Variants in DKK3 observed in about 807,000 individuals in gnomAD.
DKK3 encodes the protein dickkopf-related protein 3.
In DKK3, 22 loss-of-function variants were observed where a neutral mutation model predicts 33.2. The observed-to-expected ratio is 0.66, with a 90% confidence interval of 0.47 to 0.95. The LOEUF (loss-of-function observed/expected upper bound fraction) is 0.95. DKK3 is among the 40% of genes least tolerant of loss of function. The pLI is 0.00. For missense variants in DKK3, 398 were observed against 458.4 expected (o/e 0.87, Z 1.20); for synonymous variants, 194 against 188.8 (o/e 1.03, Z -0.23).
chr11:12,009,257 G>T, upstream of DKK3: 1 of 984,644 alleles, frequency 1.0e-6, no homozygotes, highest in Non-Finnish European at 1.2e-6. Flanking sequence ...GCAGATGCGG[G>T]AGCGGCGCGG....
intron 1 of DKK3, among the ~76,000 whole-genome samples, chr11:12,003,433 C>T (rs573829956): frequency 3.7e-4 from 56 of 152,292 alleles, no homozygotes; most frequent in African/African-American, 1.3e-3. Context: ...TTTCTGTGGC[C>T]GCTGTCCTCA....
intron 3 of DKK3, among the ~76,000 whole-genome samples, chr11:11,982,528 C>T (rs2135043281): frequency 6.6e-6 from 1 of 152,312 alleles, no homozygotes. Context: ...CCTGCATCTC[C>T]TAGTCTCCAG....
rs769361435 is a variant in DKK3 at position 12,008,514 on chromosome 11, G to T, written c.69C>A (p.Pro23=). Residue 23 remains proline, a synonymous_variant, in exon 1 of 7, where the codon CCC becomes CCA. Transcript: ENST00000683431. The surrounding 1 kb of genome is among the most constrained non-coding windows in gnomAD (Gnocchi z 4.6). ...CTGGAGCCGAGGTCGCCGTCGGAGCGGGCGCGGGGGCCGTGGGGACCGCCG... is the reference window on the plus strand; with the variant it reads ...CTGGAGCCGAGGTCGCCGTCGGAGCTGGCGCGGGGGCCGTGGGGACCGCCG... ...LAAAVPTAPA[P]APTATSAPVK... is the part of the protein sequence containing the mutation. The T allele has an allele frequency of 6.3e-7, 1 of 1,581,264 alleles. No homozygotes were observed. The highest frequency in any genetic ancestry group is 1.1e-5 in the South Asian group (1 of 88,652).
chr11:11,989,172 C>A (rs532886540), intron 3 of DKK3, among the ~76,000 whole-genome samples: 1 of 152,264 alleles, frequency 6.6e-6, no homozygotes, highest in East Asian at 1.9e-4. Flanking sequence ...ATAGAATGAC[C>A]TTATGATCTA....
chr11:12,009,643 T>G, upstream of DKK3: 1 of 985,586 alleles, frequency 1.0e-6, no homozygotes, highest in Non-Finnish European at 1.2e-6. Context: ...CCCACCTTGG[T>G]CTTTCCAAGC....
intron 1 of DKK3, among the ~76,000 whole-genome samples, chr11:12,006,313 G>T (rs1230820980): frequency 6.6e-6 from 1 of 152,142 alleles, no homozygotes; most frequent in African/African-American, 2.4e-5. Flanking sequence ...GGATATTCAG[G>T]GATAGCTGCC....
chr11:11,964,112 G>A lies in DKK3; in HGVS notation c.*352C>T. On this transcript the variant is annotated 3_prime_UTR_variant, in exon 7 of 7. Transcript: ENST00000683431. Reference sequence around the variant, plus strand: ...CACATTTCCCCAAAACCAATCAGAGGGAGACTCCACATTGTTTCCATCTCC... The same window carrying A: ...CACATTTCCCCAAAACCAATCAGAGAGAGACTCCACATTGTTTCCATCTCC... The A allele has an allele frequency of 7.9e-6, 2 of 252,966 alleles. No individual in the cohort carries two copies. The highest frequency in any genetic ancestry group is 9.3e-5 in the South Asian group (1 of 10,732). 15.7% of individuals were successfully genotyped at this position (252,966 alleles called of 1,614,324 possible). A position where few individuals can be genotyped will look rare whatever the true frequency, so the allele number is the denominator to read the frequency against.
At chr11:11,991,680 G>A (rs989457364) in intron 3 of DKK3, among the ~76,000 whole-genome samples, 4 of 152,124 alleles carry the variant, frequency 2.6e-5, no homozygotes, top group African/African-American at 7.2e-5. Flanking sequence ...CCATGAGTGA[G>A]GGCTTTCCGA....
At chr11:11,988,958 G>A (rs762581510) in intron 3 of DKK3, among the ~76,000 whole-genome samples, 7 of 152,196 alleles carry the variant, frequency 4.6e-5, no homozygotes, top group South Asian at 2.1e-4. Context: ...GTTGGGGAAC[G>A]CACTGCCTTA....
intron 3 of DKK3, among the ~76,000 whole-genome samples, chr11:11,992,251 T>C (rs1425364770): frequency 6.6e-6 from 1 of 152,220 alleles, no homozygotes; most frequent in African/African-American, 2.4e-5. Context: ...CAATACTATA[T>C]GGAAGGTACT....
At chr11:11,974,590 G>C (rs1453785017) in intron 3 of DKK3, among the ~76,000 whole-genome samples, 1 of 152,164 alleles carries the variant, frequency 6.6e-6, no homozygotes, top group Non-Finnish European at 1.5e-5. Flanking sequence ...ATCCATTTAT[G>C]ACTGTGGAGC....
chr11:11,969,886 A>G (rs1029733600), intron 3 of DKK3, among the ~76,000 whole-genome samples: 1 of 152,240 alleles, frequency 6.6e-6, no homozygotes, highest in African/African-American at 2.4e-5. Context: ...AATGTCAGGC[A>G]TGATACCATC....
rs532679127 is a variant in DKK3 at position 11,989,661 on chromosome 11, C to T, written c.435+9035G>A. On this transcript the variant is annotated intron_variant, in intron 3 of 6. Transcript: ENST00000683431. The stretch of plus-strand genomic sequence containing the variant: ...GAAGAATTCTGGAGAATTCTTTTCT[C>T]CAGTATAATTAACCCTGCTGAATTA... Among the ~76,000 whole-genome samples, 8 of 152,110 alleles carry T rather than the reference C, an allele frequency of 5.3e-5. 1 individual carries two copies.
Position 11,964,355 on chromosome 11 carries a change from C to G in DKK3, c.*109G>C, listed in dbSNP as rs543465113. 1.1e-5 allele frequency: 16 copies of G among 1,397,522 alleles called. No individual in the cohort carries two copies. Among genetic ancestry groups the G allele is most frequent in the Non-Finnish European group, 1.5e-5 (16 of 1,034,600 alleles). The allele number at this position is 1,397,522 out of a possible 1,614,324, so 86.6% of individuals were successfully genotyped here. On this transcript the variant is annotated 3_prime_UTR_variant, in exon 7 of 7. Transcript: ENST00000683431. ...GCTGTCAAGCCAGAGGGGAAACTTA[C>G]TGGGAAGAAGATGTAGGAAGAAGCC...
chr11:12,003,187 T>G (rs567045261), intron 1 of DKK3, among the ~76,000 whole-genome samples: 8 of 152,314 alleles, frequency 5.3e-5, no homozygotes, highest in African/African-American at 1.7e-4. Flanking sequence ...CACTATTTGC[T>G]CTTAAGTCCT....
chr11:11,985,328 C>A (rs1046599512), intron 3 of DKK3, among the ~76,000 whole-genome samples: 1 of 152,222 alleles, frequency 6.6e-6, no homozygotes, highest in Non-Finnish European at 1.5e-5. Flanking sequence ...ACCCGCTCCC[C>A]CGACAGTGAG....
At chr11:11,970,005 G>A (rs1329393586) in intron 3 of DKK3, among the ~76,000 whole-genome samples, 5 of 152,178 alleles carry the variant, frequency 3.3e-5, no homozygotes, top group Non-Finnish European at 7.4e-5. Flanking sequence ...GTCCCAACAG[G>A]GCTGGGAACA....
chr11:11,970,963 A>G (rs1847711817), intron 3 of DKK3, among the ~76,000 whole-genome samples: 2 of 152,232 alleles, frequency 1.3e-5, no homozygotes, highest in Non-Finnish European at 2.9e-5. Context: ...GGAAACTAAT[A>G]AAATATTCAA....
intron 3 of DKK3, among the ~76,000 whole-genome samples, chr11:11,981,368 G>A (rs1847950967): frequency 6.6e-6 from 1 of 152,186 alleles, no homozygotes; most frequent in African/African-American, 2.4e-5. Flanking sequence ...GAGTACCCTG[G>A]CTTCAAGTCA....
Sources: allele counts gnomAD v4.1 joint callset (sites outside exome capture counted in the v4.1 genomes callset), GRCh38; gene constraint gnomAD v4.1.1; non-coding constraint Gnocchi (gnomAD v3.1); transcripts MANE v1.5; gene names NCBI Gene and HGNC (gene_info 2026-07-23, HGNC 2026-07-21).